Variants in SRPX2 observed in about 807,000 individuals in gnomAD.
SRPX2 encodes sushi repeat-containing protein SRPX2.
In SRPX2, 26 loss-of-function variants were observed where a neutral mutation model predicts 45.3. That is an observed-to-expected ratio of 0.57 (90% CI 0.42 to 0.80). The LOEUF (loss-of-function observed/expected upper bound fraction) is 0.80, where lower values mean the gene tolerates loss of function less well. SRPX2 is among the 30% of genes least tolerant of loss of function. The probability of loss-of-function intolerance (pLI) is 0.00; values close to 1 mark genes in which losing one functional copy is unlikely to be tolerated. For missense variants in SRPX2, 355 were observed against 399.8 expected (o/e 0.89, Z 0.95); for synonymous variants, 125 against 143.7 (o/e 0.87, Z 0.93).
intron 2 of SRPX2, among the ~76,000 whole-genome samples, chrX:100,646,855 G>A (rs1201677861): frequency 8.9e-6 from 1 of 112,153 alleles, no homozygotes; most frequent in Non-Finnish European, 1.9e-5. Flanking sequence ...CAAGTGAAAT[G>A]AGAATCCATC....
intron 3 of SRPX2, among the ~76,000 whole-genome samples, chrX:100,659,028 C>T (rs1485501869): frequency 1.8e-5 from 2 of 111,828 alleles, no homozygotes; most frequent in South Asian, 7.7e-4. Flanking sequence ...TGTCACATGC[C>T]TCACTTACTT....
intron 2 of SRPX2, among the ~76,000 whole-genome samples, chrX:100,646,883 C>T (rs2083137211): frequency 8.9e-6 from 1 of 112,194 alleles, no homozygotes; most frequent in Admixed American, 9.4e-5. Context: ...TTCCCACCCT[C>T]TCTGATCTTA....
chrX:100,657,128 A>T (rs1389262954), intron 3 of SRPX2, among the ~76,000 whole-genome samples: 1 of 107,717 alleles, frequency 9.3e-6, no homozygotes, highest in Non-Finnish European at 1.9e-5. Context: ...GGGTTTCACC[A>T]TGTTGGCCAG....
At chrX:100,650,553 T>C (rs190981225) in intron 2 of SRPX2, among the ~76,000 whole-genome samples, 17 of 111,536 alleles carry the variant, frequency 1.5e-4, no homozygotes, top group African/African-American at 5.5e-4. Flanking sequence ...TCGCAGTAAC[T>C]GGCCACCACA....
chrX:100,667,183 T>G, intron 8 of SRPX2, 91 bp from the exon 9 acceptor site: 1 of 1,176,588 alleles, frequency 8.5e-7, no homozygotes, highest in African/African-American at 1.7e-5. Context: ...AGAGGTAACC[T>G]GAAAGACTGG....
chrX:100,657,437 A>G (rs1455775119), intron 3 of SRPX2, among the ~76,000 whole-genome samples: 4 of 76,233 alleles, frequency 5.2e-5, no homozygotes, highest in Middle Eastern at 0.012. Context: ...TGCAACCTCT[A>G]CCTCCTGGGT....
chrX:100,668,966 C>T (rs1340835657), intron 9 of SRPX2, among the ~76,000 whole-genome samples: 1 of 112,141 alleles, frequency 8.9e-6, no homozygotes, highest in Non-Finnish European at 1.9e-5. Context: ...CTATGCAAAG[C>T]TAAATGATTA....
chrX:100,667,522 G>A, intron 9 of SRPX2, 115 bp downstream of exon 9: 1 of 929,078 alleles, frequency 1.1e-6, no homozygotes, highest in East Asian at 3.2e-5. Context: ...ACTTTTTGTG[G>A]ATAGCATTTG....
chrX:100,660,616 T>TCAAGAGATC (rs1427391136), intron 3 of SRPX2, among the ~76,000 whole-genome samples: 3 of 111,552 alleles, frequency 2.7e-5, no homozygotes, highest in Non-Finnish European at 5.6e-5. Flanking sequence ...GATTAAGAAG[T>TCAAGAGATC]CAAGAGATCG....
chrX:100,651,006 A>G, intron 3 of SRPX2, 141 bp downstream of exon 3: 1 of 493,503 alleles, frequency 2.0e-6, no homozygotes, highest in Non-Finnish European at 3.5e-6. Context: ...ATTTCTCATC[A>G]TGAACTTGGT....
chrX:100,647,203 C>T (rs770711709), intron 2 of SRPX2, among the ~76,000 whole-genome samples: 2 of 111,971 alleles, frequency 1.8e-5, no homozygotes, highest in East Asian at 5.6e-4. Context: ...AGTGTCTGCC[C>T]TCACAGGGGC....
intron 10 of SRPX2, 28 bp downstream of exon 10, chrX:100,669,397 GGGGGAGGGGGGGCTGGGGC>G: frequency 9.9e-7 from 1 of 1,009,844 alleles, no homozygotes; most frequent in Non-Finnish European, 1.4e-6. Context: ...GCCAAACTTG[GGGGGAGGGGGGGCTGGGGC>G]GGGGGGAGAA....
Position 100,671,951 on chromosome X carries a change from G to A in SRPX2, c.*964G>A, listed in dbSNP as rs2083227910. 1 of 112,150 alleles carries A rather than the reference G, an allele frequency of 8.9e-6. No homozygotes were observed. The highest frequency in any genetic ancestry group is 1.9e-5 in the Non-Finnish European group (1 of 53,230). 9.2% of individuals were successfully genotyped at this position (112,150 alleles called of 1,213,427 possible). ...AGGCCTCCCGTTTCTGTAGCAGAAG[G>A]CAAACGATTCTCTCCCTTCCTCAGA... On this transcript the variant is annotated 3_prime_UTR_variant, in exon 11 of 11. Transcript: ENST00000373004.
chrX:100,645,778 G>A (rs1273148092), intron 1 of SRPX2, among the ~76,000 whole-genome samples: 1 of 112,346 alleles, frequency 8.9e-6, no homozygotes, highest in Non-Finnish European at 1.9e-5. Flanking sequence ...ATAGCTAATA[G>A]GTGACAGAAT....
chrX:100,646,141 A>T lies in SRPX2; in HGVS notation c.-130-52A>T, dbSNP rs965917109. 17 of 459,010 alleles carry T rather than the reference A, an allele frequency of 3.7e-5. No individual in the cohort carries two copies. In the African/African-American group the frequency reaches 4.1e-4, roughly 11 times the overall value. The allele number at this position is 459,010 out of a possible 1,213,427, so 37.8% of individuals were successfully genotyped here. On this transcript the variant is annotated intron_variant, in intron 1 of 10. Transcript: ENST00000373004. ...ATAACATGAAAGATCCTTATGAGGG[A>T]GATAATATAAAAGGCATTCATTAAT...
At chrX:100,652,461 T>C (rs973480784) in intron 3 of SRPX2, among the ~76,000 whole-genome samples, 1 of 111,676 alleles carries the variant, frequency 9.0e-6, no homozygotes, top group African/African-American at 3.3e-5. Context: ...ATGGGTTGTC[T>C]GAGGGAGCAG....
intron 2 of SRPX2, chrX:100,650,399 C>T (rs73555461): frequency 0.043 from 8,455 of 198,671 alleles, 296 homozygotes; most frequent in East Asian, 0.12. Flanking sequence ...TCAGGGACCA[C>T]AGTCCATTCT....
intron 2 of SRPX2, 118 bp downstream of exon 2, chrX:100,646,522 T>A: frequency 1.5e-6 from 1 of 684,757 alleles, no homozygotes; most frequent in Non-Finnish European, 2.3e-6. Context: ...AGAGAAGTAT[T>A]AAAGGACAAT....
chrX:100,665,955 C>T (rs190338275), intron 7 of SRPX2, among the ~76,000 whole-genome samples: 14 of 112,258 alleles, frequency 1.2e-4, no homozygotes, highest in Admixed American at 1.1e-3. Flanking sequence ...TCAAAATGAT[C>T]ACATGTAATC....
Sources: allele counts gnomAD v4.1 joint callset (sites outside exome capture counted in the v4.1 genomes callset), GRCh38; gene constraint gnomAD v4.1.1; transcripts MANE v1.5; gene names NCBI Gene and HGNC (gene_info 2026-07-23, HGNC 2026-07-21).